HECTD4: variants seen among roughly 807,000 people sequenced by gnomAD.
HECTD4 encodes probable E3 ubiquitin-protein ligase HECTD4.
HECTD4 carries 114 observed loss-of-function variants against 471.5 expected under a neutral mutation model. The observed-to-expected ratio is 0.24, with a 90% CI of 0.21 to 0.28. HECTD4 has a LOEUF of 0.28. HECTD4 is among the 10% of genes least tolerant of loss of function. The pLI is 1.00. For missense variants in HECTD4, 3,866 were observed against 5,651.5 expected (o/e 0.68, Z 10.13); for synonymous variants, 2,012 against 2,256.0 (o/e 0.89, Z 3.07).
At chr12:112,278,954 A>C (rs2034581396) in intron 9 of HECTD4, among the ~76,000 whole-genome samples, 1 of 152,208 alleles carries the variant, frequency 6.6e-6, no homozygotes, top group South Asian at 2.1e-4. Context: ...AAATAATGTG[A>C]CAAAATATTA....
chr12:112,327,173 C>T (rs139620858), intron 1 of HECTD4, among the ~76,000 whole-genome samples: 4,704 of 152,026 alleles, frequency 0.031, 93 homozygotes, highest in Middle Eastern at 0.092. Flanking sequence ...AAAAATTAGC[C>T]GGGTGTGGTG....
At position 112,162,627 on chromosome 12, in the gene HECTD4, C is replaced by T; in HGVS notation, c.13121-104G>A. On this transcript the variant is annotated intron_variant, in intron 75 of 75. Transcript: ENST00000682272. The surrounding 1 kb of genome is among the most constrained non-coding windows in gnomAD (Gnocchi z 5.2). ...TCCAGGTTTGCCTCCTTGGGTAGCCCCAAGCCAATCCTGGGGCCCAGCAGG... is the reference window on the plus strand; with the variant it reads ...TCCAGGTTTGCCTCCTTGGGTAGCCTCAAGCCAATCCTGGGGCCCAGCAGG... 7.2e-7 allele frequency: 1 copy of T among 1,379,502 alleles called. No homozygotes were observed. Among genetic ancestry groups the T allele is most frequent in the Non-Finnish European group, 1.0e-6 (1 of 1,000,114 alleles). The allele number at this position is 1,379,502 out of a possible 1,614,324, so 85.5% of individuals were successfully genotyped here.
intron 1 of HECTD4, among the ~76,000 whole-genome samples, chr12:112,378,921 A>G (rs2036835612): frequency 1.3e-5 from 2 of 152,144 alleles, no homozygotes; most frequent in African/African-American, 4.8e-5. Flanking sequence ...ATGCGCCTGT[A>G]GTCCCAGCTG....
chr12:112,162,962 A>T lies in HECTD4; in HGVS notation c.13120+80T>A, dbSNP rs1414959203. 1 of 1,139,912 alleles carries T rather than the reference A, an allele frequency of 8.8e-7. No individual in the cohort carries two copies. Among genetic ancestry groups the T allele is most frequent in the Non-Finnish European group, 1.3e-6 (1 of 785,240 alleles). The allele number at this position is 1,139,912 out of a possible 1,614,324, so 70.6% of individuals were successfully genotyped here. On this transcript the variant is annotated intron_variant, in intron 75 of 75. Coordinates refer to ENST00000682272, the MANE Select transcript of HECTD4 (RefSeq NM_001388303.1). This position sits in a 1 kb window ranked among gnomAD's most constrained non-coding sequence, Gnocchi z 5.2. ...CTCCTGTTCATTGTTCTCCCTTCAC[A>T]TGGGGCCTGGCAGCCCCAGTTCCAA...
intron 1 of HECTD4, among the ~76,000 whole-genome samples, chr12:112,364,087 TG>T (rs1466202274): frequency 6.6e-6 from 1 of 151,486 alleles, no homozygotes; most frequent in African/African-American, 2.4e-5. Flanking sequence ...TTACAACTGT[TG>T]AGAAGTGTTT....
Position 112,170,359 on chromosome 12 carries a change from G to T in HECTD4, c.12026C>A (p.Thr4009Asn). The T allele has an allele frequency of 6.2e-7, 1 of 1,613,994 alleles. No individual in the cohort carries two copies. Among genetic ancestry groups the T allele is most frequent in the Non-Finnish European group, 8.5e-7 (1 of 1,179,896 alleles). Residue 4009 changes from threonine (T) to asparagine (N), a missense_variant, in exon 69 of 76, where the codon ACC becomes AAC. Physicochemically the swap from Thr to Asn is moderately conservative, Grantham distance 65 (BLOSUM62 0). This residue lies in a region of HECTD4 where 715 missense variants were observed against 1,087.6 expected (regional missense o/e 0.66). Coordinates refer to ENST00000682272, the MANE Select transcript of HECTD4 (RefSeq NM_001388303.1). ...RTADHAAPEITLDPLEIVGGE... is the reference protein window; with the variant it reads ...RTADHAAPEINLDPLEIVGGE... The stretch of plus-strand genomic sequence containing the variant: ...TCCCACAATTTCCAGTGGGTCCAAG[G>T]TGATCTCAGGGGCCGCGTGGTCCGC...
intron 1 of HECTD4, among the ~76,000 whole-genome samples, chr12:112,364,487 T>C (rs115351965): frequency 1.7e-3 from 255 of 152,032 alleles, no homozygotes; most frequent in African/African-American, 6.0e-3. Context: ...GCCAGCACCC[T>C]GGAAGGCCAA....
rs558576358 is a variant in HECTD4 at position 112,180,403 on chromosome 12, C to T, written c.10988-1006G>A. Reference sequence around the variant, plus strand: ...TACAAAAATTAGCCAGGTGTGGTGGCGTGTGCCTGTCTTCTCAGCTACTCA... The same window carrying T: ...TACAAAAATTAGCCAGGTGTGGTGGTGTGTGCCTGTCTTCTCAGCTACTCA... On this transcript the variant is annotated intron_variant, in intron 62 of 75. Coordinates refer to ENST00000682272, the MANE Select transcript of HECTD4 (RefSeq NM_001388303.1). 6.4e-4 allele frequency among the ~76,000 whole-genome samples: 98 copies of T among 152,008 alleles called. 1 individual carries two copies. Among genetic ancestry groups the T allele is most frequent in the Middle Eastern group, 6.8e-3 (2 of 294 alleles).
At chr12:112,195,122 C>G in intron 55 of HECTD4, 56 bp from the exon 56 acceptor site, 1 of 1,475,050 alleles carries the variant, frequency 6.8e-7, no homozygotes, top group Non-Finnish European at 9.2e-7. Context: ...GGCCCCCATA[C>G]CGGGACCAGG....
chr12:112,320,897 G>T (rs896704023), intron 1 of HECTD4, among the ~76,000 whole-genome samples: 2 of 151,756 alleles, frequency 1.3e-5, no homozygotes, highest in African/African-American at 4.8e-5. Context: ...GCCCAGGCTG[G>T]AGTGCAATGG....
chr12:112,222,950 T>C (rs566954445), intron 44 of HECTD4, among the ~76,000 whole-genome samples: 4 of 152,174 alleles, frequency 2.6e-5, no homozygotes, highest in Non-Finnish European at 5.9e-5. Flanking sequence ...ATTTGGTGCA[T>C]TCATGAGGCT....
rs549747227 is a variant in HECTD4, at chr12:112,164,018, G to T, written c.12701+91C>A. On this transcript the variant is annotated intron_variant, in intron 73 of 75. Transcript: ENST00000682272. ...CACCTGTCACCTGACCTAGGTCCTC[G>T]TGTCATTGCCCAGGAACAGATGCTG... 12 of 1,280,254 alleles carry T rather than the reference G, an allele frequency of 9.4e-6. 1 individual carries two copies. In the Admixed American group the frequency reaches 3.6e-4, roughly 39 times the overall value. The allele number at this position is 1,280,254 out of a possible 1,614,324, so 79.3% of individuals were successfully genotyped here.
rs142474671 is a variant in HECTD4 at position 112,185,950 on chromosome 12, C to T, written c.9473-457G>A. Among the ~76,000 whole-genome samples the T allele has an allele frequency of 2.0e-5, 3 of 152,302 alleles. No homozygotes were observed. The East Asian group carries it at 5.8e-4, about 29-fold the overall frequency. On this transcript the variant is annotated intron_variant, in intron 60 of 75. Coordinates refer to ENST00000682272, the MANE Select transcript of HECTD4 (RefSeq NM_001388303.1). ...CTCCTCTTTTAGTCCTGATTTTTGCCAACAAGAAAGCCTTACTTTGAGGGT... is the reference window on the plus strand; with the variant it reads ...CTCCTCTTTTAGTCCTGATTTTTGCTAACAAGAAAGCCTTACTTTGAGGGT...
rs11066252 is a variant in HECTD4, at chr12:112,310,765, C to T, written c.917-1096G>A. Among the ~76,000 whole-genome samples the T allele has an allele frequency of 0.056, 8,488 of 152,256 alleles. 1,299 individuals carry two copies. The East Asian group carries it at 0.61, about 11-fold the overall frequency. On this transcript the variant is annotated intron_variant, in intron 4 of 75. Transcript: ENST00000682272. Reference sequence around the variant, plus strand: ...ACACCTTAAACATTTTAATTTAAAACTTATAGATTACATTTATTCATCAAT... The same window carrying T: ...ACACCTTAAACATTTTAATTTAAAATTTATAGATTACATTTATTCATCAAT...
chr12:112,165,197 C>A (rs2030889438), intron 72 of HECTD4, among the ~76,000 whole-genome samples: 2 of 150,398 alleles, frequency 1.3e-5, no homozygotes, highest in Non-Finnish European at 3.0e-5. Flanking sequence ...GGGATTACAG[C>A]TGAGCCACCG....
rs561608645 is a variant in HECTD4, at chr12:112,240,639, T to C, written c.4959-612A>G. Among the ~76,000 whole-genome samples, 5 of 151,986 alleles carry C rather than the reference T, an allele frequency of 3.3e-5. No individual in the cohort carries two copies. The South Asian group carries it at 6.3e-4, about 19-fold the overall frequency. ...TAATTTTTTTGACTTTTAGTAGAGA[T>C]GATGTTTCGCTATGTTGCCCAGGCT... On this transcript the variant is annotated intron_variant, in intron 32 of 75. Coordinates refer to ENST00000682272, the MANE Select transcript of HECTD4 (RefSeq NM_001388303.1).
chr12:112,366,565 C>T (rs923647511), intron 1 of HECTD4, among the ~76,000 whole-genome samples: 32 of 150,700 alleles, frequency 2.1e-4, no homozygotes, highest in South Asian at 2.1e-4. Context: ...TGTTGCTGGG[C>T]GCAACATTCT....
At position 112,163,424 on chromosome 12, in the gene HECTD4, T is replaced by G; in HGVS notation, c.12897+118A>C. On this transcript the variant is annotated intron_variant, in intron 74 of 75. Coordinates refer to ENST00000682272, the MANE Select transcript of HECTD4 (RefSeq NM_001388303.1). The surrounding 1 kb of genome is among the most constrained non-coding windows in gnomAD (Gnocchi z 8.2). ...CAATGATGACAATGATACAGGTCTG[T>G]GGCAAGGACAGAGCTGAGACAGGCC... 1 of 1,054,940 alleles carries G rather than the reference T, an allele frequency of 9.5e-7. No homozygotes were observed. The highest frequency in any genetic ancestry group is 1.4e-6 in the Non-Finnish European group (1 of 737,726). The allele number at this position is 1,054,940 out of a possible 1,614,324, so 65.3% of individuals were successfully genotyped here. A position where few individuals can be genotyped will look rare whatever the true frequency, so the allele number is the denominator to read the frequency against.
In HECTD4 at chr12:112,171,110, C is replaced by T. The variant is rs1280483997; in HGVS notation, c.11932+7G>A. On this transcript the variant is annotated splice_region_variant and intron_variant, in intron 68 of 75. Coordinates refer to ENST00000682272, the MANE Select transcript of HECTD4 (RefSeq NM_001388303.1). ...CCTGCAGGGCCAGGGCAGGTGCAGG[C>T]ACTGACCTTTGGCCTCCTTCAGCAG... The T allele has an allele frequency of 1.2e-6, 2 of 1,610,094 alleles. No individual in the cohort carries two copies. The highest frequency in any genetic ancestry group is 3.3e-5 in the Admixed American group (2 of 59,734).
Sources: gnomAD v4.1 joint callset for allele counts (sites outside exome capture counted in the v4.1 genomes callset) on GRCh38, gnomAD v4.1.1 for gene constraint, gnomAD v4.1.1 regional missense constraint, Gnocchi (gnomAD v3.1) non-coding constraint, MANE v1.5 for transcripts, NCBI Gene and HGNC (gene_info 2026-07-23, HGNC 2026-07-21) for gene names.